Variants in HSD17B12 observed in about 807,000 individuals in gnomAD.
HSD17B12 encodes very-long-chain 3-oxoacyl-CoA reductase.
In HSD17B12, 32 loss-of-function variants were observed where a neutral mutation model predicts 39.3. The observed-to-expected ratio is 0.81, with a 90% confidence interval of 0.61 to 1.09. The LOEUF (loss-of-function observed/expected upper bound fraction) is 1.09. HSD17B12 is among the 50% of genes least tolerant of loss of function. The probability of loss-of-function intolerance (pLI) is 0.00; values close to 1 mark genes in which losing one functional copy is unlikely to be tolerated. For synonymous variants in HSD17B12, 150 were observed against 146.7 expected (o/e 1.02, Z -0.16); for missense variants, 342 against 382.9 (o/e 0.89, Z 0.89).
chr11:43,634,105 A>AAAAAAAAAAAAAAC, the HSD17B12 span, among the ~76,000 whole-genome samples: 1 of 140,228 alleles, frequency 7.1e-6, no homozygotes. Flanking sequence ...AAAAAAAAAA[A>AAAAAAAAAAAAAAC]AAAAGAAAGA....
chr11:43,733,216 T>G (rs551136903), intron 1 of HSD17B12, among the ~76,000 whole-genome samples: 1 of 152,368 alleles, frequency 6.6e-6, no homozygotes, highest in South Asian at 2.1e-4. Context: ...GTTCCTAGTT[T>G]ATAAAGCAAT....
chr11:43,687,956 A>G (rs958452228), intron 1 of HSD17B12, among the ~76,000 whole-genome samples: 7 of 152,218 alleles, frequency 4.6e-5, no homozygotes. Flanking sequence ...TCATGCCTGT[A>G]ATTCCAACAC....
intron 1 of HSD17B12, among the ~76,000 whole-genome samples, chr11:43,709,130 T>G (rs1298174268): frequency 1.3e-5 from 2 of 152,198 alleles, no homozygotes; most frequent in Non-Finnish European, 1.5e-5. Context: ...AAGACTTTTT[T>G]TTTTCTTTTT....
intron 6 of HSD17B12, chr11:43,830,221 A>G (rs1186937177): frequency 6.6e-6 from 1 of 152,218 alleles, no homozygotes; most frequent in Non-Finnish European, 1.5e-5. Context: ...AATTGATGAT[A>G]TCCAGGAGTC....
chr11:43,689,762 T>C (rs1949835286), intron 1 of HSD17B12, among the ~76,000 whole-genome samples: 1 of 152,064 alleles, frequency 6.6e-6, no homozygotes, highest in African/African-American at 2.4e-5. Flanking sequence ...CTGACCAGGC[T>C]GGTTTTGAAC....
intron 7 of HSD17B12, chr11:43,833,378 T>G (rs1951333646): frequency 6.6e-6 from 1 of 152,110 alleles, no homozygotes; most frequent in Non-Finnish European, 1.5e-5. Context: ...GCTCCTTCCA[T>G]CTAGGGGCGT....
At chr11:43,820,102 C>T (rs527799794) in intron 6 of HSD17B12, among the ~76,000 whole-genome samples, 14 of 152,132 alleles carry the variant, frequency 9.2e-5, no homozygotes, top group East Asian at 5.8e-4. Context: ...AATGGCTTGA[C>T]GGGAGCAGTG....
intron 1 of HSD17B12, among the ~76,000 whole-genome samples, chr11:43,711,338 A>T (rs1950063463): frequency 6.6e-6 from 1 of 152,210 alleles, no homozygotes; most frequent in South Asian, 2.1e-4. Flanking sequence ...TTTAGAAAGA[A>T]GCTATTCAAA....
chr11:43,750,463 A>G (rs577701088), intron 1 of HSD17B12, among the ~76,000 whole-genome samples: 52 of 151,816 alleles, frequency 3.4e-4, no homozygotes, highest in African/African-American at 1.2e-3. Context: ...TTGTTTGTCT[A>G]TATCTCAATT....
intron 1 of HSD17B12, among the ~76,000 whole-genome samples, chr11:43,719,577 G>C (rs1950157012): frequency 6.7e-6 from 1 of 150,170 alleles, no homozygotes; most frequent in African/African-American, 2.5e-5. Context: ...TGGTCTGTCT[G>C]TTTCCCTCAC....
chr11:43,697,107 A>G (rs1254239429), intron 1 of HSD17B12, among the ~76,000 whole-genome samples: 1 of 152,184 alleles, frequency 6.6e-6, no homozygotes, highest in Non-Finnish European at 1.5e-5. Context: ...GGTACAGCAA[A>G]CTACCATGGC....
the HSD17B12 span, among the ~76,000 whole-genome samples, chr11:43,625,932 T>C: frequency 7.0e-6 from 1 of 143,558 alleles, no homozygotes; most frequent in Non-Finnish European, 1.6e-5. Context: ...ATAAAACTAC[T>C]GTAAACATTT....
the HSD17B12 span, among the ~76,000 whole-genome samples, chr11:43,649,044 G>T: frequency 6.6e-6 from 1 of 152,072 alleles, no homozygotes; most frequent in African/African-American, 2.4e-5. Context: ...TTTTTAAGGA[G>T]AATTCATTTT....
chr11:43,830,972 GC>G lies in HSD17B12; in HGVS notation c.502-3del. ...TCATGAATGTTTTGCTTTCTCTCTT[GC>G]AGATGACACAATTGGTACTGCCTGG... is the stretch of plus-strand genomic sequence containing the variant. On this transcript the variant is annotated splice_region_variant and splice_polypyrimidine_tract_variant and intron_variant, in intron 6 of 10. Transcript: ENST00000278353. 1 of 1,607,342 alleles carries G rather than the reference GC, an allele frequency of 6.2e-7. No individual in the cohort carries two copies. The highest frequency in any genetic ancestry group is 8.5e-7 in the Non-Finnish European group (1 of 1,176,622).
At chr11:43,661,502 ATAACT>A in the HSD17B12 span, among the ~76,000 whole-genome samples, 1 of 152,176 alleles carries the variant, frequency 6.6e-6, no homozygotes. Flanking sequence ...TGCATGTCTA[ATAACT>A]TAATAAAAAG....
At chr11:43,565,237 C>T in the HSD17B12 span, among the ~76,000 whole-genome samples, 22 of 152,250 alleles carry the variant, frequency 1.4e-4, no homozygotes, top group South Asian at 4.1e-4. Flanking sequence ...TCAGGCCCTT[C>T]GAGGAAGTGG....
chr11:43,557,824 T>C, the HSD17B12 span, among the ~76,000 whole-genome samples: 152,149 of 152,150 alleles, frequency 1, 76,074 homozygotes, highest in Non-Finnish European at 1. Context: ...GTCTGGGGAC[T>C]TACAGGGTTG....
At chr11:43,761,047 C>T (rs1490911689) in intron 3 of HSD17B12, among the ~76,000 whole-genome samples, 2 of 151,814 alleles carry the variant, frequency 1.3e-5, no homozygotes, top group Non-Finnish European at 2.9e-5. Context: ...TTCTGTACTG[C>T]CTGTAAGACA....
Position 43,734,296 on chromosome 11 carries a change from C to T in HSD17B12, c.161-16615C>T, listed in dbSNP as rs1565068259. On this transcript the variant is annotated intron_variant, in intron 1 of 10. Transcript: ENST00000278353. ...CTTTCAGGAAGGAGTTCACAGAAGCCGTGGAAGCCAAAAAGGTGGCTCAGC... is the reference window on the plus strand; with the variant it reads ...CTTTCAGGAAGGAGTTCACAGAAGCTGTGGAAGCCAAAAAGGTGGCTCAGC... The T allele has an allele frequency of 1.0e-5, 12 of 1,179,316 alleles. No homozygotes were observed. The Admixed American group carries it at 1.2e-4, about 12-fold the overall frequency. The allele number at this position is 1,179,316 out of a possible 1,614,324, so 73.1% of individuals were successfully genotyped here. A position where few individuals can be genotyped will look rare whatever the true frequency, so the allele number is the denominator to read the frequency against.
Sources: gnomAD v4.1 joint callset for allele counts (sites outside exome capture counted in the v4.1 genomes callset) on GRCh38, gnomAD v4.1.1 for gene constraint, MANE v1.5 for transcripts, NCBI Gene and HGNC (gene_info 2026-07-23, HGNC 2026-07-21) for gene names.